NRG3: variants seen among roughly 807,000 people sequenced by gnomAD.
NRG3 encodes the protein neuregulin 3, also known as pro-neuregulin-3, membrane-bound isoform.
A neutral mutation model predicts 66.9 loss-of-function variants in NRG3; 31 were observed. That is an observed-to-expected ratio of 0.46 (90% CI 0.35 to 0.63). The LOEUF is 0.63. NRG3 is among the 20% of genes least tolerant of loss of function. The pLI, the probability that NRG3 is intolerant of heterozygous loss-of-function variation, is 0.00. For missense variants in NRG3, 910 were observed against 878.9 expected (o/e 1.04, Z -0.45); for synonymous variants, 393 against 359.4 (o/e 1.09, Z -1.06).
intron 2 of NRG3, among the ~76,000 whole-genome samples, chr10:82,442,976 A>T (rs1196144491): frequency 6.6e-6 from 1 of 151,956 alleles, no homozygotes; most frequent in Non-Finnish European, 1.5e-5. Context: ...GACAGCCGCT[A>T]GAATAATAAA....
intron 5 of NRG3, among the ~76,000 whole-genome samples, chr10:82,956,142 CAAAT>C (rs999433229): frequency 2.6e-5 from 4 of 151,756 alleles, no homozygotes; most frequent in African/African-American, 9.8e-5. Flanking sequence ...TGCAACAAGA[CAAAT>C]AATGCCTAAC....
intron 1 of NRG3, among the ~76,000 whole-genome samples, chr10:82,038,739 A>G (rs188358656): frequency 2.0e-5 from 3 of 152,130 alleles, no homozygotes; most frequent in African/African-American, 4.8e-5. Flanking sequence ...TGGGACTACC[A>G]CCTGAACATT....
intron 1 of NRG3, among the ~76,000 whole-genome samples, chr10:81,979,306 A>C (rs1041047054): frequency 4.6e-5 from 7 of 151,992 alleles, no homozygotes; most frequent in Non-Finnish European, 4.4e-5. Context: ...AATATTGTAG[A>C]GGTTATGGCT....
At chr10:81,883,495 C>A (rs1842358724) in intron 1 of NRG3, among the ~76,000 whole-genome samples, 1 of 152,108 alleles carries the variant, frequency 6.6e-6, no homozygotes, top group Non-Finnish European at 1.5e-5. Flanking sequence ...TTAGCAGCTT[C>A]CAGTGCTAAG....
intron 1 of NRG3, among the ~76,000 whole-genome samples, chr10:82,292,138 C>G (rs2079784137): frequency 6.6e-6 from 1 of 151,948 alleles, no homozygotes; most frequent in African/African-American, 2.4e-5. Context: ...AAAACGATCC[C>G]ATTAAAAATA....
chr10:82,491,763 C>T (rs984787401), intron 2 of NRG3, among the ~76,000 whole-genome samples: 7 of 152,122 alleles, frequency 4.6e-5, no homozygotes, highest in Admixed American at 3.9e-4. Context: ...CCAGGCAAGA[C>T]CCTGAATCAG....
At chr10:82,592,516 C>T (rs1195436384) in intron 2 of NRG3, among the ~76,000 whole-genome samples, 1 of 152,180 alleles carries the variant, frequency 6.6e-6, no homozygotes, top group Admixed American at 6.5e-5. Flanking sequence ...TCGTGGGTAG[C>T]TTGTACTCTC....
intron 1 of NRG3, among the ~76,000 whole-genome samples, chr10:82,040,627 C>T (rs2062990425): frequency 6.6e-6 from 1 of 151,870 alleles, no homozygotes; most frequent in Non-Finnish European, 1.5e-5. Context: ...AAGAATAAGG[C>T]AGGAGAAGAA....
intron 2 of NRG3, among the ~76,000 whole-genome samples, chr10:82,433,863 A>G (rs1179228033): frequency 1.3e-5 from 2 of 152,138 alleles, no homozygotes; most frequent in African/African-American, 4.8e-5. Context: ...CTTGTAGTAT[A>G]GTTTGAAGTC....
chr10:82,100,478 T>G (rs890406563), intron 1 of NRG3, among the ~76,000 whole-genome samples: 1 of 152,148 alleles, frequency 6.6e-6, no homozygotes, highest in Admixed American at 6.6e-5. Flanking sequence ...GGAGAAATCA[T>G]TCAGTCTTTC....
intron 1 of NRG3, among the ~76,000 whole-genome samples, chr10:81,917,773 T>A (rs1845846271): frequency 6.6e-6 from 1 of 152,202 alleles, no homozygotes; most frequent in African/African-American, 2.4e-5. Flanking sequence ...AACGTGTTTT[T>A]CCCTGACCCC....
chr10:81,918,974 AACAC>A (rs542060517), intron 1 of NRG3, among the ~76,000 whole-genome samples: 7 of 150,068 alleles, frequency 4.7e-5, no homozygotes, highest in Non-Finnish European at 8.9e-5. Context: ...ATCATAACAA[AACAC>A]ACACACACAC....
chr10:82,804,574 A>G (rs954536711), intron 3 of NRG3, among the ~76,000 whole-genome samples: 6 of 152,206 alleles, frequency 3.9e-5, no homozygotes, highest in African/African-American at 1.4e-4. Context: ...TCTTATTGCT[A>G]TAATCACACA....
At chr10:82,607,538 T>A (rs1175165471) in intron 2 of NRG3, among the ~76,000 whole-genome samples, 1 of 152,166 alleles carries the variant, frequency 6.6e-6, no homozygotes, top group Non-Finnish European at 1.5e-5. Flanking sequence ...CTGACAATCT[T>A]AGTATTTTAA....
intron 3 of NRG3, among the ~76,000 whole-genome samples, chr10:82,785,166 G>C (rs1307898028): frequency 6.7e-6 from 1 of 148,724 alleles, no homozygotes; most frequent in Non-Finnish European, 1.5e-5. Context: ...AGAGCACATG[G>C]ACACAGGAAG....
chr10:82,166,032 T>C (rs930948576), intron 1 of NRG3, among the ~76,000 whole-genome samples: 12 of 150,482 alleles, frequency 8.0e-5, no homozygotes, highest in Non-Finnish European at 1.8e-4. Flanking sequence ...TTATTATTAA[T>C]TTTTTTTGTG....
chr10:82,299,816 A>T (rs2080290199), intron 1 of NRG3, among the ~76,000 whole-genome samples: 1 of 152,180 alleles, frequency 6.6e-6, no homozygotes, highest in Non-Finnish European at 1.5e-5. Context: ...AGACAAGGGA[A>T]TTCCCCAATT....
chr10:82,355,045 T>G (rs2083687551), intron 1 of NRG3, among the ~76,000 whole-genome samples: 1 of 152,202 alleles, frequency 6.6e-6, no homozygotes, highest in African/African-American at 2.4e-5. Flanking sequence ...AACAGAAGTT[T>G]GATTAAGTAC....
rs908480069 is a variant in NRG3 at position 82,029,276 on chromosome 10, G to T, written c.823+153113G>T. 5.4e-4 allele frequency among the ~76,000 whole-genome samples: 82 copies of T among 152,200 alleles called. 1 individual carries two copies. The highest frequency in any genetic ancestry group is 1.8e-3 in the Admixed American group (28 of 15,252). ...ACCACCATTGGCTGTGTGCTGTGGA[G>T]AAATTTAGTTAACTTTTCTCTGAAG... On this transcript the variant is annotated intron_variant, in intron 1 of 8. Coordinates refer to ENST00000372141, the MANE Select transcript of NRG3 (RefSeq NM_001010848.4).
Sources: gnomAD v4.1 joint callset for allele counts (sites outside exome capture counted in the v4.1 genomes callset) on GRCh38, gnomAD v4.1.1 for gene constraint, MANE v1.5 for transcripts, NCBI Gene and HGNC (gene_info 2026-07-23, HGNC 2026-07-21) for gene names.